The following RAPGEF5 variants were observed in gnomAD, a reference collection of about 807,000 sequenced individuals.
RAPGEF5 encodes Rap guanine nucleotide exchange factor 5, also known as M-Ras-regulated GEF.
RAPGEF5 carries 65 observed loss-of-function variants against 125.2 expected under a neutral mutation model. The observed-to-expected ratio is 0.52, with a 90% CI of 0.43 to 0.64. The LOEUF is 0.64. RAPGEF5 is among the 30% of genes least tolerant of loss of function. RAPGEF5 has a pLI of 0.00. For missense variants in RAPGEF5, 958 were observed against 1,048.1 expected, an observed-to-expected ratio of 0.91 and a Z score of 1.19; for synonymous variants, 391 against 385.9, an observed-to-expected ratio of 1.01 and a Z score of -0.16.
chr7:22,344,455 C>T (rs1033862542), intron 1 of RAPGEF5, among the ~76,000 whole-genome samples: 2 of 152,090 alleles, frequency 1.3e-5, no homozygotes, highest in Admixed American at 6.5e-5. Context: ...AGAGAGGTGA[C>T]GCGATTGAGG....
intron 6 of RAPGEF5, among the ~76,000 whole-genome samples, chr7:22,288,495 T>C (rs1782850176): frequency 6.6e-6 from 1 of 151,188 alleles, no homozygotes; most frequent in Non-Finnish European, 1.5e-5. Context: ...CCACTCATAC[T>C]GATTTTTTAA....
At chr7:22,227,710 T>G (rs1026604436) in intron 8 of RAPGEF5, among the ~76,000 whole-genome samples, 5 of 151,942 alleles carry the variant, frequency 3.3e-5, no homozygotes, top group Non-Finnish European at 7.4e-5. Flanking sequence ...GATATGGTGG[T>G]GTGCACCTGT....
intron 9 of RAPGEF5, among the ~76,000 whole-genome samples, chr7:22,215,955 A>C (rs993770849): frequency 6.6e-6 from 1 of 152,214 alleles, no homozygotes; most frequent in African/African-American, 2.4e-5. Context: ...GCTTTTTGGC[A>C]AAGGTGGTAA....
At chr7:22,191,622 T>G (rs1267052445) in intron 11 of RAPGEF5, 1 of 470,734 alleles carries the variant, frequency 2.1e-6, no homozygotes, top group Non-Finnish European at 4.4e-6. Context: ...GTGACACATG[T>G]GATCCCAGGG....
At chr7:22,248,402 G>A (rs1786533222) in intron 7 of RAPGEF5, among the ~76,000 whole-genome samples, 1 of 152,186 alleles carries the variant, frequency 6.6e-6, no homozygotes, top group Non-Finnish European at 1.5e-5. Context: ...CAGTGATGAA[G>A]CTGAGAACTA....
At chr7:22,335,387 G>A (rs1325228475) in intron 1 of RAPGEF5, among the ~76,000 whole-genome samples, 3 of 152,158 alleles carry the variant, frequency 2.0e-5, no homozygotes, top group Non-Finnish European at 4.4e-5. Context: ...TAGATAAAGG[G>A]AGTAAACTCT....
chr7:22,224,781 T>A (rs372865531), intron 8 of RAPGEF5, among the ~76,000 whole-genome samples: 1 of 152,030 alleles, frequency 6.6e-6, no homozygotes, highest in African/African-American at 2.4e-5. Flanking sequence ...CAGACTCGAT[T>A]TGGAGACAGT....
At chr7:22,279,930 G>T (rs1782637362) in intron 6 of RAPGEF5, among the ~76,000 whole-genome samples, 1 of 152,136 alleles carries the variant, frequency 6.6e-6, no homozygotes, top group South Asian at 2.1e-4. Flanking sequence ...TGTTGGGATG[G>T]CCTCCATTTC....
intron 1 of RAPGEF5, among the ~76,000 whole-genome samples, chr7:22,339,319 T>C (rs1173847367): frequency 6.6e-6 from 1 of 152,238 alleles, no homozygotes; most frequent in Non-Finnish European, 1.5e-5. Context: ...TTGAATTCTT[T>C]CTTCTGAGGA....
rs535955940 is a variant in RAPGEF5, at chr7:22,177,485, T to C, written c.1205-10337A>G. On this transcript the variant is annotated intron_variant, in intron 11 of 25. Transcript: ENST00000665637. ...CACCAGGTAGCCAGAGTGGCTTCAA[T>C]GGGCAAGGAGAAAAAGTAAGGGAGG... 1.2e-4 allele frequency among the ~76,000 whole-genome samples: 18 copies of C among 152,328 alleles called. No homozygotes were observed. The South Asian group carries it at 3.5e-3, about 30-fold the overall frequency.
chr7:22,190,930 T>C (rs1784974697), intron 11 of RAPGEF5, among the ~76,000 whole-genome samples: 1 of 152,196 alleles, frequency 6.6e-6, no homozygotes, highest in Admixed American at 6.5e-5. Flanking sequence ...CGGCCCCAGA[T>C]GGCTCCATCT....
At chr7:22,202,455 T>C (rs536056798) in intron 9 of RAPGEF5, among the ~76,000 whole-genome samples, 64 of 152,220 alleles carry the variant, frequency 4.2e-4, no homozygotes, top group African/African-American at 1.4e-3. Flanking sequence ...TCCAAAGCAT[T>C]ATCTAAGAAA....
At chr7:22,272,555 G>C (rs954925049) in intron 6 of RAPGEF5, among the ~76,000 whole-genome samples, 3 of 151,932 alleles carry the variant, frequency 2.0e-5, no homozygotes, top group Non-Finnish European at 4.4e-5. Flanking sequence ...TGCCATGATA[G>C]AAATGTTTTT....
intron 9 of RAPGEF5, among the ~76,000 whole-genome samples, chr7:22,215,575 A>G (rs1833106): frequency 0.05 from 7,643 of 152,262 alleles, 629 homozygotes; most frequent in African/African-American, 0.17. Flanking sequence ...TGGCTCCTCT[A>G]TGACATCGGC....
intron 23 of RAPGEF5, among the ~76,000 whole-genome samples, chr7:22,131,569 T>A (rs906556317): frequency 6.6e-6 from 1 of 152,216 alleles, no homozygotes; most frequent in Non-Finnish European, 1.5e-5. Context: ...TAGATTTAGA[T>A]GTTTAAATTT....
At chr7:22,190,316 A>G (rs1283282604) in intron 11 of RAPGEF5, among the ~76,000 whole-genome samples, 1 of 152,152 alleles carries the variant, frequency 6.6e-6, no homozygotes, top group Non-Finnish European at 1.5e-5. Context: ...CCTTCATTCC[A>G]TAGATATCAT....
chr7:22,309,014 T>TA (rs34107260), intron 4 of RAPGEF5, among the ~76,000 whole-genome samples: 18 of 151,838 alleles, frequency 1.2e-4, no homozygotes, highest in Admixed American at 3.3e-4. Flanking sequence ...GGGATGCTGT[T>TA]AAAAAAAACC....
intron 13 of RAPGEF5, among the ~76,000 whole-genome samples, chr7:22,160,987 G>C (rs1197408259): frequency 6.6e-6 from 1 of 150,466 alleles, no homozygotes; most frequent in East Asian, 2.0e-4. Flanking sequence ...ATGAGTTCAG[G>C]AGATCGAGAC....
In RAPGEF5 at chr7:22,193,358, G is replaced by T; in HGVS notation, c.1204+9C>A. The T allele has an allele frequency of 6.3e-7, 1 of 1,575,530 alleles. No homozygotes were observed. ...TCAGTCTGGAAGCATGAGCTACTCAGAGCCTTACCTGTTTCTTTGTCCTGG... is the reference window on the plus strand; with the variant it reads ...TCAGTCTGGAAGCATGAGCTACTCATAGCCTTACCTGTTTCTTTGTCCTGG... On this transcript the variant is annotated intron_variant, in intron 11 of 25. Coordinates refer to ENST00000665637, the MANE Select transcript of RAPGEF5 (RefSeq NM_012294.5).
Sources: allele counts gnomAD v4.1 joint callset (sites outside exome capture counted in the v4.1 genomes callset), GRCh38; gene constraint gnomAD v4.1.1; transcripts MANE v1.5; gene names NCBI Gene and HGNC (gene_info 2026-07-23, HGNC 2026-07-21).